The following KDM6A variants were observed in gnomAD, a reference collection of about 807,000 sequenced individuals.
The protein encoded by KDM6A is lysine-specific demethylase 6A.
In KDM6A, 11 loss-of-function variants were observed where a neutral mutation model predicts 117.6. The ratio of observed to expected loss-of-function variants is 0.09; its 90% CI spans 0.06 to 0.15. The LOEUF is 0.15. KDM6A is among the 10% of genes least tolerant of loss of function. The pLI is 1.00. For synonymous variants in KDM6A, 384 were observed against 396.1 expected (o/e 0.97, Z 0.36); for missense variants, 799 against 1,077.3 (o/e 0.74, Z 3.62).
chrX:45,000,677 G>C (rs1209783023), intron 4 of KDM6A, among the ~76,000 whole-genome samples: 1 of 112,982 alleles, frequency 8.9e-6, no homozygotes, highest in Non-Finnish European at 1.9e-5. Context: ...TGAGAGACAC[G>C]AAGTGAACTT....
intron 3 of KDM6A, among the ~76,000 whole-genome samples, chrX:44,968,409 C>T (rs1379388064): frequency 8.9e-6 from 1 of 112,278 alleles, no homozygotes; most frequent in Non-Finnish European, 1.9e-5. Context: ...TAAAGCTAAC[C>T]CATGAACCTC....
At chrX:44,906,072 A>G (rs1027714291) in intron 2 of KDM6A, among the ~76,000 whole-genome samples, 1 of 112,088 alleles carries the variant, frequency 8.9e-6, no homozygotes, top group Non-Finnish European at 1.9e-5. Context: ...AATCTTCTCA[A>G]AGAAAAGTAA....
intron 6 of KDM6A, among the ~76,000 whole-genome samples, chrX:45,025,149 C>T (rs1195143859): frequency 9.0e-6 from 1 of 111,613 alleles, no homozygotes; most frequent in Non-Finnish European, 1.9e-5. Context: ...CTAGTTAATG[C>T]CATACAGTTA....
At chrX:45,010,819 T>G in intron 4 of KDM6A, 142 bp from the exon 5 acceptor site, 1 of 448,836 alleles carries the variant, frequency 2.2e-6, no homozygotes. Flanking sequence ...ATCACTGTTA[T>G]TTTGGTGTTT....
chrX:44,976,109 C>A (rs182282235), intron 4 of KDM6A, among the ~76,000 whole-genome samples: 1 of 111,750 alleles, frequency 8.9e-6, no homozygotes, highest in East Asian at 2.8e-4. Context: ...AGACAAAAAT[C>A]CAGATTAGCT....
chrX:44,937,502 C>T (rs1419043700), intron 2 of KDM6A, among the ~76,000 whole-genome samples: 1 of 111,535 alleles, frequency 9.0e-6, no homozygotes. Context: ...TTATGATTAT[C>T]ATTGATCAGT....
intron 2 of KDM6A, among the ~76,000 whole-genome samples, chrX:44,911,446 C>T (rs1380635390): frequency 1.3e-4 from 14 of 106,929 alleles, no homozygotes; most frequent in African/African-American, 4.5e-4. Flanking sequence ...AGGGCAGAGA[C>T]GCTCCCCACA....
intron 2 of KDM6A, among the ~76,000 whole-genome samples, chrX:44,916,339 C>T (rs2035549627): frequency 9.1e-6 from 1 of 110,106 alleles, no homozygotes; most frequent in Admixed American, 9.8e-5. Flanking sequence ...AATACTTGTG[C>T]CCTTATGACT....
At chrX:45,014,990 T>TA (rs1178321287) in intron 5 of KDM6A, among the ~76,000 whole-genome samples, 1 of 112,407 alleles carries the variant, frequency 8.9e-6, no homozygotes, top group Non-Finnish European at 1.9e-5. Context: ...TACTTTGACA[T>TA]AAAAAAGGAT....
chrX:44,911,427 C>T (rs780093734), intron 2 of KDM6A, among the ~76,000 whole-genome samples: 39 of 108,546 alleles, frequency 3.6e-4, no homozygotes, highest in Non-Finnish European at 6.5e-4. Flanking sequence ...ACATCCCAGA[C>T]GGGGCGGCAG....
At chrX:45,019,512 T>C (rs1043924957) in intron 5 of KDM6A, among the ~76,000 whole-genome samples, 1 of 112,294 alleles carries the variant, frequency 8.9e-6, no homozygotes, top group Non-Finnish European at 1.9e-5. Context: ...ACTAAATACA[T>C]GAAGTATTAT....
At chrX:44,986,184 A>G (rs1200754077) in intron 4 of KDM6A, among the ~76,000 whole-genome samples, 1 of 111,732 alleles carries the variant, frequency 8.9e-6, no homozygotes, top group Non-Finnish European at 1.9e-5. Context: ...TAGATTTTCT[A>G]GTTTATTTGT....
intron 6 of KDM6A, among the ~76,000 whole-genome samples, chrX:45,023,410 C>T (rs2042246885): frequency 9.0e-6 from 1 of 111,311 alleles, no homozygotes; most frequent in African/African-American, 3.3e-5. Context: ...GTTTCTGTCA[C>T]TGGTGATAAC....
At chrX:45,047,126 G>T in intron 8 of KDM6A, among the ~76,000 whole-genome samples, 1 of 110,455 alleles carries the variant, frequency 9.1e-6, no homozygotes, top group African/African-American at 3.3e-5. Context: ...GCTTTTAAAA[G>T]GTTTTTCTCT....
rs1264012720 is a variant in KDM6A, at chrX:44,962,500, A to G, written c.334+1108A>G. Among the ~76,000 whole-genome samples, 3 of 111,753 alleles carry G rather than the reference A, an allele frequency of 2.7e-5. No homozygotes were observed. The East Asian group carries it at 8.4e-4, about 31-fold the overall frequency. ...AAAATGGTTTCAGTCCAACAGGGTAATGGGTGTTAATAGTTACTTAATACT... is the reference window on the plus strand; with the variant it reads ...AAAATGGTTTCAGTCCAACAGGGTAGTGGGTGTTAATAGTTACTTAATACT... On this transcript the variant is annotated intron_variant, in intron 3 of 29. Transcript: ENST00000611820.
chrX:44,965,319 C>T (rs1393407924), intron 3 of KDM6A, among the ~76,000 whole-genome samples: 1 of 112,088 alleles, frequency 8.9e-6, no homozygotes, highest in African/African-American at 3.2e-5. Flanking sequence ...CTTCAAATTT[C>T]CTCCAAGAAT....
intron 2 of KDM6A, among the ~76,000 whole-genome samples, chrX:44,938,090 C>G (rs1473266385): frequency 9.0e-6 from 1 of 111,630 alleles, no homozygotes. Context: ...ATCTTCCTAC[C>G]TCAGCCTCTC....
intron 4 of KDM6A, among the ~76,000 whole-genome samples, chrX:45,006,220 T>A (rs1376139703): frequency 1.1e-5 from 1 of 94,831 alleles, no homozygotes; most frequent in Non-Finnish European, 2.1e-5. Flanking sequence ...CTGGGTGAGT[T>A]CTGATTTCTC....
chrX:45,043,702 G>A (rs973163192), intron 8 of KDM6A, among the ~76,000 whole-genome samples: 9 of 110,652 alleles, frequency 8.1e-5, no homozygotes, highest in African/African-American at 2.0e-4. Flanking sequence ...GCTTGAACCC[G>A]GGGAGGCGGA....
Sources: allele counts gnomAD v4.1 joint callset (sites outside exome capture counted in the v4.1 genomes callset), GRCh38; gene constraint gnomAD v4.1.1; transcripts MANE v1.5; gene names NCBI Gene and HGNC (gene_info 2026-07-23, HGNC 2026-07-21).